Variants in PCCB observed in about 807,000 individuals in gnomAD.
PCCB encodes propionyl-CoA carboxylase subunit beta, also known as propionyl-CoA carboxylase beta chain, mitochondrial.
In PCCB, 43 loss-of-function variants were observed where a neutral mutation model predicts 60.7. The observed-to-expected ratio is 0.71, with a 90% CI of 0.55 to 0.91. The LOEUF (loss-of-function observed/expected upper bound fraction) is 0.91. PCCB is among the 40% of genes least tolerant of loss of function. PCCB has a pLI of 0.00. For missense variants in PCCB, 766 were observed against 702.8 expected, an observed-to-expected ratio of 1.09 and a Z score of -1.02; for synonymous variants, 276 against 255.9, an observed-to-expected ratio of 1.08 and a Z score of -0.75.
At chr3:136,325,347 A>G (rs1280491880) in intron 10 of PCCB, among the ~76,000 whole-genome samples, 2 of 151,030 alleles carry the variant, frequency 1.3e-5, no homozygotes, top group Non-Finnish European at 3.0e-5. Context: ...TGACTTGCCT[A>G]TTTATTTCCT....
intron 1 of PCCB, among the ~76,000 whole-genome samples, chr3:136,253,082 GTTTT>G (rs59099393): frequency 1.4e-5 from 1 of 71,500 alleles, no homozygotes; most frequent in African/African-American, 5.8e-5. Flanking sequence ...AGCAATGGAG[GTTTT>G]TTTTTTTTTT....
chr3:136,293,779 TGG>T lies in PCCB; in HGVS notation c.679_680del (p.Gly227ProfsTer2). 6.2e-7 allele frequency: 1 copy of T among 1,612,480 alleles called. No individual in the cohort carries two copies. The highest frequency in any genetic ancestry group is 1.1e-5 in the South Asian group (1 of 91,046). Reference sequence around the variant, plus strand: ...AGGACACCTCCTACCTGTTCATCACTGGCCCTGATGTTGTGAAGTCTGTCACC... The same window carrying T: ...AGGACACCTCCTACCTGTTCATCACTCCCTGATGTTGTGAAGTCTGTCACC... ...VKDTSYLFIT[G>X]PDVVKSVTNE... On this transcript the variant is annotated frameshift_variant, in exon 7 of 15. Transcript: ENST00000251654. LOFTEE classifies it high-confidence loss of function.
At chr3:136,251,160 T>A (rs979283906) in intron 1 of PCCB, 6 of 453,784 alleles carry the variant, frequency 1.3e-5, no homozygotes, top group Middle Eastern at 4.0e-4. Flanking sequence ...CAGGTGGCCT[T>A]TCTGGGAGTG....
intron 8 of PCCB, among the ~76,000 whole-genome samples, chr3:136,299,490 ATATGCATGTG>A (rs1366535732): frequency 1.5e-4 from 23 of 149,008 alleles, no homozygotes; most frequent in African/African-American, 5.3e-4. Flanking sequence ...GTATGTATGT[ATATGCATGTG>A]TATGTATAGG....
intron 9 of PCCB, among the ~76,000 whole-genome samples, chr3:136,301,698 A>G (rs1357030247): frequency 6.6e-6 from 1 of 152,010 alleles, no homozygotes; most frequent in East Asian, 1.9e-4. Context: ...TGTGCAACAC[A>G]TCGTGATGGC....
intron 6 of PCCB, 151 bp from the exon 7 acceptor site, chr3:136,293,605 T>C (rs757819981): frequency 9.8e-5 from 69 of 706,796 alleles, no homozygotes; most frequent in African/African-American, 1.9e-4. Context: ...CTTGGGTCTT[T>C]AGTTTGGAGT....
chr3:136,326,799 C>T lies in PCCB; in HGVS notation c.1091-4C>T, dbSNP rs759283485. 2.5e-6 allele frequency: 4 copies of T among 1,576,740 alleles called. No homozygotes were observed. In the East Asian group the frequency reaches 6.7e-5, roughly 26 times the overall value. On this transcript the variant is annotated splice_region_variant and splice_polypyrimidine_tract_variant and intron_variant, in intron 10 of 14. Transcript: ENST00000251654. ...CTCAGTATGGATAATCTCTCTCTTT[C>T]TAGGATGCTTGGATATTAATTCATC... is the stretch of plus-strand genomic sequence containing the variant.
rs1462411928 is a variant in PCCB, at chr3:136,250,519, G to C, written c.144G>C (p.Leu48=). 1 of 1,613,036 alleles carries C rather than the reference G, an allele frequency of 6.2e-7. No individual in the cohort carries two copies. The highest frequency in any genetic ancestry group is 8.5e-7 in the Non-Finnish European group (1 of 1,179,768). The stretch of plus-strand genomic sequence containing the variant: ...AAAACAAGCGCCGGACCGCGCTGCT[G>C]GGAGGGGGCCAACGCCGTATTGACG... The part of the protein sequence containing the change: ...RIENKRRTAL[L]GGGQRRIDAQ... The change falls in exon 1 of 15, where the codon CTG becomes CTC. Residue 48 remains leucine, a synonymous_variant. Transcript: ENST00000251654.
At chr3:136,256,431 C>T in intron 2 of PCCB, 124 bp from the exon 3 acceptor site, 2 of 736,354 alleles carry the variant, frequency 2.7e-6, no homozygotes, top group Non-Finnish European at 4.9e-6. Context: ...CTTCATGTTC[C>T]TTGTTCATAT....
At position 136,273,994 on chromosome 3, in the gene PCCB, C is replaced by A. The variant is rs1180647583; in HGVS notation, c.544-9843C>A. Among the ~76,000 whole-genome samples, 6 of 151,484 alleles carry A rather than the reference C, an allele frequency of 4.0e-5. No homozygotes were observed. In the South Asian group the frequency reaches 6.3e-4, roughly 16 times the overall value. Reference sequence around the variant, plus strand: ...TTTGCATGGGATATCTCTTTCCCCCCCTTTACCTTGAGGTTATATGAATCC... The same window carrying A: ...TTTGCATGGGATATCTCTTTCCCCCACTTTACCTTGAGGTTATATGAATCC... On this transcript the variant is annotated intron_variant, in intron 5 of 14. Coordinates refer to ENST00000251654, the MANE Select transcript of PCCB (RefSeq NM_000532.5).
At chr3:136,259,079 C>G in intron 3 of PCCB, 1 of 1,203,026 alleles carries the variant, frequency 8.3e-7, no homozygotes, top group Admixed American at 3.5e-5. Context: ...GTTATGCCCA[C>G]AATAAGCCCT....
chr3:136,330,154 A>G lies in PCCB; in HGVS notation c.*128A>G. 2.0e-6 allele frequency: 3 copies of G among 1,535,714 alleles called. No homozygotes were observed. Among genetic ancestry groups the G allele is most frequent in the Non-Finnish European group, 2.6e-6 (3 of 1,132,378 alleles). Reference sequence around the variant, plus strand: ...ATAACTTAGAATAACTAAGTTTATTAAATTCTAGAAAGATCTCTTTTGTGC... The same window carrying G: ...ATAACTTAGAATAACTAAGTTTATTGAATTCTAGAAAGATCTCTTTTGTGC... On this transcript the variant is annotated 3_prime_UTR_variant, in exon 15 of 15. Coordinates refer to ENST00000251654, the MANE Select transcript of PCCB (RefSeq NM_000532.5).
At chr3:136,285,081 C>A (rs1489214751) in intron 6 of PCCB, among the ~76,000 whole-genome samples, 1 of 104,680 alleles carries the variant, frequency 9.6e-6, no homozygotes, top group Non-Finnish European at 2.0e-5. Flanking sequence ...AGAGGAAGAC[C>A]CTGCCTCAAA....
chr3:136,270,459 C>CACACATGTA (rs1456031824), intron 5 of PCCB, among the ~76,000 whole-genome samples: 1 of 152,098 alleles, frequency 6.6e-6, no homozygotes, highest in Non-Finnish European at 1.5e-5. Context: ...ACAGAACACT[C>CACACATGTA]ACACAAGTTA....
chr3:136,287,405 GTGT>G (rs955943391), intron 6 of PCCB, among the ~76,000 whole-genome samples: 1 of 151,032 alleles, frequency 6.6e-6, no homozygotes, highest in African/African-American at 2.4e-5. Context: ...GTGTGTGTGT[GTGT>G]TTTTTCTTTT....
At position 136,326,815 on chromosome 3, in the gene PCCB, T is replaced by G. The variant is rs746695672; in HGVS notation, c.1103T>G (p.Ile368Ser). ...TCTCTCTTTCTAGGATGCTTGGATA[T>G]TAATTCATCTGTGAAAGGGGCTCGT... ...QPKVASGCLD[I>S]NSSVKGARFV... Residue 368 changes from isoleucine (I) to serine (S), a missense_variant, in exon 11 of 15, where the codon ATT becomes AGT. Ile to Ser is a moderately radical substitution (Grantham distance 142). Coordinates refer to ENST00000251654, the MANE Select transcript of PCCB (RefSeq NM_000532.5). The G allele has an allele frequency of 6.2e-7, 1 of 1,602,214 alleles. No individual in the cohort carries two copies. The highest frequency in any genetic ancestry group is 8.6e-7 in the Non-Finnish European group (1 of 1,169,188).
At chr3:136,301,797 CTCT>C (rs980700783) in intron 9 of PCCB, among the ~76,000 whole-genome samples, 1 of 152,108 alleles carries the variant, frequency 6.6e-6, no homozygotes, top group African/African-American at 2.4e-5. Flanking sequence ...TTCTTGTAGT[CTCT>C]TCCTGCACCA....
intron 6 of PCCB, among the ~76,000 whole-genome samples, chr3:136,290,119 CTT>C (rs1933606615): frequency 6.6e-6 from 1 of 152,072 alleles, no homozygotes; most frequent in Non-Finnish European, 1.5e-5. Flanking sequence ...CTTGAATGCT[CTT>C]TCTTTCTTTA....
chr3:136,295,455 C>T (rs913013531), intron 7 of PCCB, among the ~76,000 whole-genome samples: 1 of 152,184 alleles, frequency 6.6e-6, no homozygotes, highest in Non-Finnish European at 1.5e-5. Flanking sequence ...CATCATTTAG[C>T]CCCATCTTTA....
Sources: gnomAD v4.1 joint callset for allele counts (sites outside exome capture counted in the v4.1 genomes callset) on GRCh38, gnomAD v4.1.1 for gene constraint, MANE v1.5 for transcripts, NCBI Gene and HGNC (gene_info 2026-07-23, HGNC 2026-07-21) for gene names.